The following SPATA13 variants were observed in gnomAD, a reference collection of about 807,000 sequenced individuals.
The protein encoded by SPATA13 is spermatogenesis-associated protein 13.
In SPATA13, 50 loss-of-function variants were observed where a neutral mutation model predicts 104.0. The ratio of observed to expected loss-of-function variants is 0.48; its 90% CI spans 0.38 to 0.61. SPATA13 has a LOEUF of 0.61. Ranked by LOEUF, SPATA13 falls within the 20% of genes least tolerant of loss-of-function variation. The pLI is 0.00. For synonymous variants in SPATA13, 606 were observed against 667.5 expected, an observed-to-expected ratio of 0.91 and a Z score of 1.42; for missense variants, 1,524 against 1,690.6, an observed-to-expected ratio of 0.90 and a Z score of 1.73.
At chr13:24,190,920 A>G (rs1207436894) in intron 1 of SPATA13, among the ~76,000 whole-genome samples, 2 of 152,192 alleles carry the variant, frequency 1.3e-5, no homozygotes, top group South Asian at 4.1e-4. Context: ...GAAATCCTAT[A>G]TGAAGGAAGA....
chr13:24,177,548 C>T (rs1170260483), intron 1 of SPATA13, among the ~76,000 whole-genome samples: 1 of 152,236 alleles, frequency 6.6e-6, no homozygotes, highest in Non-Finnish European at 1.5e-5. Flanking sequence ...GAGCCTCAAA[C>T]TCCTGGGCTC....
chr13:24,284,899 C>T (rs147485355), intron 5 of SPATA13, among the ~76,000 whole-genome samples: 128 of 152,300 alleles, frequency 8.4e-4, no homozygotes, highest in Admixed American at 1.4e-3. Flanking sequence ...TTTTCATCAA[C>T]GCTCTAAGGA....
chr13:24,219,669 C>G (rs181803981), intron 1 of SPATA13, among the ~76,000 whole-genome samples: 1 of 152,278 alleles, frequency 6.6e-6, no homozygotes, highest in East Asian at 1.9e-4. Flanking sequence ...TGATGAGATG[C>G]CTGAAGGCCT....
intron 9 of SPATA13, 84 bp from the exon 10 acceptor site, chr13:24,294,655 A>G: frequency 1.4e-6 from 2 of 1,452,460 alleles, no homozygotes; most frequent in South Asian, 1.4e-5. Flanking sequence ...TTCGTATACG[A>G]AGAAGCGCCC....
chr13:24,278,921 C>CA lies in SPATA13; in HGVS notation c.2165-5214_2165-5213insA, dbSNP rs1875234775. On this transcript the variant is annotated intron_variant, in intron 4 of 12. Coordinates refer to ENST00000382108, the MANE Select transcript of SPATA13 (RefSeq NM_001166271.3). ...CCTTCCTTCCTTCCTTCCTTCCTTC[C>CA]TTCCCTCTTTCCTTCCTTCCTTCCT... 3 of 1,183,518 alleles carry CA rather than the reference C, an allele frequency of 2.5e-6. No individual in the cohort carries two copies. In the African/African-American group the frequency reaches 5.6e-5, roughly 22 times the overall value. 73.3% of individuals were successfully genotyped at this position (1,183,518 alleles called of 1,614,324 possible). A position where few individuals can be genotyped will look rare whatever the true frequency, so the allele number is the denominator to read the frequency against.
chr13:24,290,629 G>C (rs762249086), intron 8 of SPATA13, 23 bp from the exon 9 acceptor site: 5 of 1,599,236 alleles, frequency 3.1e-6, no homozygotes, highest in Non-Finnish European at 4.3e-6. Flanking sequence ...AGAAGCTGAC[G>C]AAGCTGTACT....
chr13:24,007,726 C>T (rs577096624), intron 2 of SPATA13, among the ~76,000 whole-genome samples: 20 of 152,300 alleles, frequency 1.3e-4, no homozygotes, highest in African/African-American at 4.8e-4. Context: ...TCTTGGCCTC[C>T]CAAAGTGCTG....
intron 3 of SPATA13, among the ~76,000 whole-genome samples, chr13:24,116,973 C>T (rs1279760901): frequency 6.6e-6 from 1 of 152,184 alleles, no homozygotes; most frequent in African/African-American, 2.4e-5. Flanking sequence ...GAGTACTGAC[C>T]AGGAACTTAA....
chr13:24,056,720 G>C (rs905856416), intron 3 of SPATA13, among the ~76,000 whole-genome samples: 2 of 152,152 alleles, frequency 1.3e-5, no homozygotes, highest in Non-Finnish European at 1.5e-5. Context: ...TACATAGAAG[G>C]CTGTCTCTTT....
chr13:24,102,071 C>T (rs7322143), intron 3 of SPATA13, among the ~76,000 whole-genome samples: 60,369 of 152,030 alleles, frequency 0.4, 12,216 homozygotes, highest in Non-Finnish European at 0.41. Context: ...TTTTCCATAG[C>T]AGCTGCACCA....
At chr13:24,191,329 CAT>C (rs1052984474) in intron 1 of SPATA13, among the ~76,000 whole-genome samples, 1 of 151,852 alleles carries the variant, frequency 6.6e-6, no homozygotes, top group Non-Finnish European at 1.5e-5. Flanking sequence ...CTATTACACA[CAT>C]GGTAGACTAC....
intron 3 of SPATA13, among the ~76,000 whole-genome samples, chr13:24,135,170 G>A (rs1046546228): frequency 5.3e-5 from 8 of 152,112 alleles, no homozygotes; most frequent in Admixed American, 2.6e-4. Context: ...CACCTAGCTC[G>A]TGATACTTTG....
chr13:23,995,421 A>T (rs899396913), intron 2 of SPATA13, among the ~76,000 whole-genome samples: 2 of 152,182 alleles, frequency 1.3e-5, no homozygotes, highest in Non-Finnish European at 2.9e-5. Context: ...TTTCTGACTT[A>T]TTTTTAAATA....
At chr13:24,208,270 A>T (rs1411011265) in intron 1 of SPATA13, among the ~76,000 whole-genome samples, 1 of 152,182 alleles carries the variant, frequency 6.6e-6, no homozygotes, top group Admixed American at 6.5e-5. Flanking sequence ...AATTCCCTGT[A>T]ATTGAGGGCT....
chr13:24,115,159 C>A (rs1418734557), intron 3 of SPATA13, among the ~76,000 whole-genome samples: 2 of 152,186 alleles, frequency 1.3e-5, no homozygotes, highest in Non-Finnish European at 2.9e-5. Flanking sequence ...AATCAGAAGA[C>A]CTTTGAGCAA....
In SPATA13 at chr13:24,038,193, A is replaced by C. The variant is rs4770558; in HGVS notation, c.-112+20492A>C. On this transcript the variant is annotated intron_variant, in intron 3 of 14. Transcript: ENST00000424834. ...CTCCGAAAGTGCTGGGATTACAGGC[A>C]TGAGCCACCGCGCCCGGCCAACTAG... is the stretch of plus-strand genomic sequence containing the variant. 5.9e-5 allele frequency among the ~76,000 whole-genome samples: 9 copies of C among 152,272 alleles called. No individual in the cohort carries two copies. The East Asian group carries it at 1.5e-3, about 26-fold the overall frequency.
At chr13:24,275,832 T>TC (rs1353230871) in intron 4 of SPATA13, among the ~76,000 whole-genome samples, 1 of 152,140 alleles carries the variant, frequency 6.6e-6, no homozygotes, top group Non-Finnish European at 1.5e-5. Context: ...TACTCGGTAG[T>TC]CTTAGGCAGG....
intron 3 of SPATA13, among the ~76,000 whole-genome samples, chr13:24,142,865 G>C (rs1312744283): frequency 2.0e-5 from 3 of 152,054 alleles, no homozygotes; most frequent in Admixed American, 6.6e-5. Context: ...CCTTCCCCTG[G>C]GGAGCCCGAG....
chr13:24,001,613 T>C (rs9553133), intron 2 of SPATA13, among the ~76,000 whole-genome samples: 23,948 of 151,764 alleles, frequency 0.16, 2,605 homozygotes, highest in East Asian at 0.53. Context: ...CAGGAGACCC[T>C]AGCAGAGACC....
Sources: gnomAD v4.1 joint callset for allele counts (sites outside exome capture counted in the v4.1 genomes callset) on GRCh38, gnomAD v4.1.1 for gene constraint, MANE v1.5 for transcripts, NCBI Gene and HGNC (gene_info 2026-07-23, HGNC 2026-07-21) for gene names.